Variants in LRP1B observed in about 807,000 individuals in gnomAD.
The protein encoded by LRP1B is LDL receptor related protein 1B.
LRP1B carries 217 observed loss-of-function variants against 556.6 expected under a neutral mutation model. The observed-to-expected ratio is 0.39, with a 90% CI of 0.35 to 0.44. LRP1B has a LOEUF of 0.44. Among genes scored for constraint, LRP1B ranks in the 20% least tolerant of loss-of-function variants. The pLI is 1.00. For synonymous variants in LRP1B, 2,047 were observed against 1,865.8 expected, an observed-to-expected ratio of 1.10 and a Z score of -2.50; for missense variants, 5,053 against 5,620.8, an observed-to-expected ratio of 0.90 and a Z score of 3.23.
At chr2:141,565,841 C>G (rs148452897) in intron 2 of LRP1B, among the ~76,000 whole-genome samples, 7 of 152,258 alleles carry the variant, frequency 4.6e-5, no homozygotes, top group African/African-American at 1.2e-4. Context: ...TCTTGCTGTG[C>G]TTCTGGAAAT....
At chr2:140,778,396 G>C (rs1442472715) in intron 32 of LRP1B, among the ~76,000 whole-genome samples, 2 of 152,160 alleles carry the variant, frequency 1.3e-5, no homozygotes, top group African/African-American at 4.8e-5. Flanking sequence ...ATGAAGATTA[G>C]AGTGTTGGAA....
intron 2 of LRP1B, among the ~76,000 whole-genome samples, chr2:141,551,240 TA>T (rs1161044422): frequency 6.6e-6 from 1 of 152,024 alleles, no homozygotes; most frequent in Non-Finnish European, 1.5e-5. Flanking sequence ...GAAATAAAAA[TA>T]AATGTATATA....
intron 3 of LRP1B, among the ~76,000 whole-genome samples, chr2:141,332,465 T>C (rs948747025): frequency 7.4e-5 from 11 of 148,296 alleles, no homozygotes; most frequent in Non-Finnish European, 1.5e-4. Flanking sequence ...AAAAAAAGCA[T>C]GAATTTTATA....
intron 2 of LRP1B, among the ~76,000 whole-genome samples, chr2:141,695,579 T>C (rs1691708844): frequency 6.6e-6 from 1 of 151,960 alleles, no homozygotes; most frequent in African/African-American, 2.4e-5. Context: ...TAAAGCTGAT[T>C]TGAACCTGGT....
At chr2:141,032,044 T>G (rs1698387919) in intron 11 of LRP1B, among the ~76,000 whole-genome samples, 1 of 152,088 alleles carries the variant, frequency 6.6e-6, no homozygotes, top group South Asian at 2.1e-4. Flanking sequence ...GACAGTCAGA[T>G]GCAGGTGCAA....
At chr2:141,992,064 T>A (rs765962380) in intron 1 of LRP1B, among the ~76,000 whole-genome samples, 47 of 152,258 alleles carry the variant, frequency 3.1e-4, no homozygotes, top group South Asian at 8.3e-4. Context: ...CCACAGCGCA[T>A]CCCTCTATAT....
chr2:140,910,992 A>G (rs1694401923), intron 21 of LRP1B, among the ~76,000 whole-genome samples: 1 of 151,866 alleles, frequency 6.6e-6, no homozygotes, highest in African/African-American at 2.4e-5. Context: ...TGTTTTGTAT[A>G]TATTAGGGAA....
intron 35 of LRP1B, among the ~76,000 whole-genome samples, chr2:140,727,092 G>T (rs1268484280): frequency 6.6e-6 from 1 of 152,014 alleles, no homozygotes; most frequent in Non-Finnish European, 1.5e-5. Context: ...TTATCTGTGT[G>T]TATATTAAAT....
At chr2:140,694,832 T>C (rs1020895905) in intron 41 of LRP1B, among the ~76,000 whole-genome samples, 39 of 152,122 alleles carry the variant, frequency 2.6e-4, no homozygotes, top group Non-Finnish European at 4.7e-4. Flanking sequence ...TAGTACAATA[T>C]AATTTTTATT....
intron 2 of LRP1B, among the ~76,000 whole-genome samples, chr2:141,593,103 T>A (rs953514505): frequency 6.6e-6 from 1 of 152,068 alleles, no homozygotes; most frequent in Non-Finnish European, 1.5e-5. Flanking sequence ...AGAGACAACA[T>A]AACAGGACTA....
At chr2:141,449,923 T>A (rs1403101967) in intron 3 of LRP1B, among the ~76,000 whole-genome samples, 3 of 152,212 alleles carry the variant, frequency 2.0e-5, no homozygotes, top group African/African-American at 7.2e-5. Flanking sequence ...ACCCTCTAGA[T>A]GTCAGTTTCA....
intron 3 of LRP1B, among the ~76,000 whole-genome samples, chr2:141,433,309 A>G (rs958810199): frequency 1.3e-5 from 2 of 152,058 alleles, no homozygotes; most frequent in African/African-American, 4.8e-5. Context: ...ACTAGCATAT[A>G]GTTCATAGTC....
At chr2:141,812,652 G>A (rs1463261485) in intron 1 of LRP1B, among the ~76,000 whole-genome samples, 2 of 152,096 alleles carry the variant, frequency 1.3e-5, no homozygotes, top group Non-Finnish European at 2.9e-5. Context: ...ATTGCCATTA[G>A]AAGTATTTTG....
intron 3 of LRP1B, among the ~76,000 whole-genome samples, chr2:141,466,950 G>GATATAT (rs59093011): frequency 2.2e-4 from 31 of 140,838 alleles, no homozygotes; most frequent in South Asian, 9.7e-4. Flanking sequence ...GTGCTCAGGG[G>GATATAT]ATATATATAT....
chr2:141,251,221 C>T (rs1684249540), intron 4 of LRP1B, among the ~76,000 whole-genome samples: 1 of 152,044 alleles, frequency 6.6e-6, no homozygotes, highest in Admixed American at 6.6e-5. Context: ...GCTGAGAAGC[C>T]TCTAACAGTC....
intron 1 of LRP1B, among the ~76,000 whole-genome samples, chr2:142,126,925 A>G (rs900705619): frequency 1.3e-5 from 2 of 151,872 alleles, no homozygotes; most frequent in Middle Eastern, 3.2e-3. Context: ...TTGACAAGGT[A>G]ACTGGCAAGA....
chr2:140,811,856 G>A (rs1239151959), intron 32 of LRP1B, among the ~76,000 whole-genome samples: 3 of 151,820 alleles, frequency 2.0e-5, no homozygotes, highest in African/African-American at 2.4e-5. Flanking sequence ...TTATATATAT[G>A]TAACTTCTGG....
chr2:141,412,646 G>A (rs116265870), intron 3 of LRP1B, among the ~76,000 whole-genome samples: 2,330 of 152,038 alleles, frequency 0.015, 67 homozygotes, highest in African/African-American at 0.053. Flanking sequence ...TTTTTATAAC[G>A]TACAATGCAA....
At chr2:140,949,190 T>G (rs762786571) in intron 20 of LRP1B, among the ~76,000 whole-genome samples, 1 of 152,240 alleles carries the variant, frequency 6.6e-6, no homozygotes, top group Non-Finnish European at 1.5e-5. Flanking sequence ...TATGTTTTCA[T>G]CCTTTTATTT....
Sources: allele counts gnomAD v4.1 joint callset (sites outside exome capture counted in the v4.1 genomes callset), GRCh38; gene constraint gnomAD v4.1.1; transcripts MANE v1.5; gene names NCBI Gene and HGNC (gene_info 2026-07-23, HGNC 2026-07-21).